Variants in SP2 observed in about 807,000 individuals in gnomAD.
SP2 encodes the protein transcription factor Sp2.
A neutral mutation model predicts 50.1 loss-of-function variants in SP2; 9 were observed. The observed-to-expected ratio is 0.18, with a 90% CI of 0.11 to 0.31. SP2 has a LOEUF of 0.31. Among genes scored for constraint, SP2 ranks in the 10% least tolerant of loss-of-function variants. The probability of loss-of-function intolerance (pLI) is 1.00; values close to 1 mark genes in which losing one functional copy is unlikely to be tolerated. For synonymous variants in SP2, 313 were observed against 326.6 expected, an observed-to-expected ratio of 0.96 and a Z score of 0.45; for missense variants, 581 against 806.5, an observed-to-expected ratio of 0.72 and a Z score of 3.39.
At position 47,922,831 on chromosome 17, in the gene SP2, G is replaced by T; in HGVS notation, c.1060-131G>T. 3 of 741,844 alleles carry T rather than the reference G, an allele frequency of 4.0e-6. No individual in the cohort carries two copies. The South Asian group carries it at 5.2e-5, about 13-fold the overall frequency. 46.0% of individuals were successfully genotyped at this position (741,844 alleles called of 1,614,324 possible). ...TGTCGAGCATTAGCTGTGTATAAAT[G>T]TAGGTTTGGGTGAATTGAAGAGACT... On this transcript the variant is annotated intron_variant, in intron 3 of 6. Transcript: ENST00000376741.
At chr17:47,926,668 T>G (rs1214387534) in intron 6 of SP2, among the ~76,000 whole-genome samples, 2 of 151,924 alleles carry the variant, frequency 1.3e-5, no homozygotes, top group African/African-American at 4.8e-5. Flanking sequence ...CTCACACCTG[T>G]AATCCCAGCT....
chr17:47,928,959 T>C (rs987503443), downstream of SP2: 2 of 152,682 alleles, frequency 1.3e-5, no homozygotes, highest in Non-Finnish European at 2.9e-5. Context: ...AATCTTCAAC[T>C]TGGCAGTTCG....
chr17:47,913,964 C>T (rs1266787926), intron 1 of SP2, among the ~76,000 whole-genome samples: 2 of 152,178 alleles, frequency 1.3e-5, no homozygotes, highest in African/African-American at 4.8e-5. Flanking sequence ...AGAATTTACT[C>T]TGTTTTCATT....
At chr17:47,906,848 C>T (rs1437767610) in intron 1 of SP2, among the ~76,000 whole-genome samples, 1 of 152,108 alleles carries the variant, frequency 6.6e-6, no homozygotes, top group Non-Finnish European at 1.5e-5. Flanking sequence ...CTGGGCCAGA[C>T]ACAGGCCTAT....
intron 1 of SP2, among the ~76,000 whole-genome samples, chr17:47,912,459 T>TA (rs1722671695): frequency 6.6e-6 from 1 of 151,450 alleles, no homozygotes; most frequent in Non-Finnish European, 1.5e-5. Context: ...TTTTTTTTTT[T>TA]ATGGAGATGG....
chr17:47,911,955 C>G (rs968247831), intron 1 of SP2, among the ~76,000 whole-genome samples: 1 of 152,204 alleles, frequency 6.6e-6, no homozygotes, highest in African/African-American at 2.4e-5. Context: ...GAGGCATGCT[C>G]AGCTTAGCCC....
At chr17:47,919,674 A>G (rs938097988) in intron 3 of SP2, among the ~76,000 whole-genome samples, 3 of 152,124 alleles carry the variant, frequency 2.0e-5, no homozygotes, top group Non-Finnish European at 4.4e-5. Context: ...CCAGGAAATT[A>G]GCAGTGAAAC....
downstream of SP2, among the ~76,000 whole-genome samples, chr17:47,931,221 T>TA (rs559729863): frequency 4.1e-3 from 623 of 152,278 alleles, 5 homozygotes; most frequent in Middle Eastern, 0.02. Context: ...CGCATGCCTG[T>TA]AGTCCCAGCT....
At chr17:47,919,887 G>A (rs1412803356) in intron 3 of SP2, among the ~76,000 whole-genome samples, 1 of 135,054 alleles carries the variant, frequency 7.4e-6, no homozygotes, top group Admixed American at 8.4e-5. Flanking sequence ...TCACCAGGCT[G>A]GAGTGCAGTG....
chr17:47,917,835 G>T, intron 3 of SP2: 1 of 426,530 alleles, frequency 2.3e-6, no homozygotes, highest in Admixed American at 2.6e-5. Flanking sequence ...TCTTATTTTT[G>T]GCATTTATTA....
intron 1 of SP2, among the ~76,000 whole-genome samples, chr17:47,901,673 G>T (rs1024916498): frequency 6.6e-6 from 1 of 152,140 alleles, no homozygotes; most frequent in African/African-American, 2.4e-5. Context: ...GGACTGCACT[G>T]GCCCACATGT....
chr17:47,916,497 T>A lies in SP2; in HGVS notation c.426T>A (p.Asn142Lys), dbSNP rs1567697033. ...CGGTCCCTCAGATTCAGGCAAGCAA[T>A]TCCCAAACCATCCAAGTACAGCCCA... ...YQAVPQIQAS[N>K]SQTIQVQPNL... Residue 142 changes from asparagine (N) to lysine (K), a missense_variant, in exon 3 of 7, where the codon AAT becomes AAA. Asn to Lys is a moderately conservative substitution (Grantham distance 94). Transcript: ENST00000376741. This position sits in a 1 kb window ranked among gnomAD's most constrained non-coding sequence, Gnocchi z 4.7. 1 of 1,613,854 alleles carries A rather than the reference T, an allele frequency of 6.2e-7. No individual in the cohort carries two copies.
At chr17:47,909,430 A>C (rs1261837803) in intron 1 of SP2, among the ~76,000 whole-genome samples, 1 of 151,900 alleles carries the variant, frequency 6.6e-6, no homozygotes, top group African/African-American at 2.4e-5. Context: ...TATTTTTTTT[A>C]ATATACAGAC....
chr17:47,931,559 G>A (rs1163442802), downstream of SP2, among the ~76,000 whole-genome samples: 3 of 152,172 alleles, frequency 2.0e-5, no homozygotes, highest in Non-Finnish European at 4.4e-5. Context: ...TGCAGAGAAT[G>A]GGGTGTTCGG....
intron 3 of SP2, among the ~76,000 whole-genome samples, chr17:47,922,426 A>G (rs1165282003): frequency 6.6e-6 from 1 of 151,800 alleles, no homozygotes; most frequent in Admixed American, 6.6e-5. Context: ...AACAATGAGC[A>G]TATTTTATTT....
At position 47,917,239 on chromosome 17, in the gene SP2, A is replaced by G. The variant is rs1032247635; in HGVS notation, c.1059+109A>G. The G allele has an allele frequency of 4.9e-6, 6 of 1,223,616 alleles. No homozygotes were observed. The African/African-American group carries it at 9.1e-5, about 19-fold the overall frequency. The allele number at this position is 1,223,616 out of a possible 1,614,324, so 75.8% of individuals were successfully genotyped here. ...CCAGCTTGATCTGACCTTGAGAGTC[A>G]GTATCTTTTGGGGTGGGCAGTAAGT... On this transcript the variant is annotated intron_variant, in intron 3 of 6. Transcript: ENST00000376741.
rs201442835 is a variant in SP2, at chr17:47,922,922, C to T, written c.1060-40C>T. On this transcript the variant is annotated intron_variant, in intron 3 of 6. Transcript: ENST00000376741. ...CATTTGAAGGCCCCAGGAACCTAGT[C>T]TCTTCCAGGCACTGATTTTTTTTCT... The T allele has an allele frequency of 1.6e-4, 244 of 1,562,586 alleles. 1 individual carries two copies. In the African/African-American group the frequency reaches 2.9e-3, roughly 19 times the overall value.
At chr17:47,905,320 A>G (rs1045098860) in intron 1 of SP2, among the ~76,000 whole-genome samples, 5 of 152,196 alleles carry the variant, frequency 3.3e-5, no homozygotes, top group African/African-American at 7.2e-5. Flanking sequence ...TTGTTGGCTT[A>G]CGGCCCAGCT....
Position 47,928,929 on chromosome 17 carries a change from A to C in SP2, c.*1105A>C, listed in dbSNP as rs1274098608. On this transcript the variant is annotated 3_prime_UTR_variant, in exon 7 of 7. Coordinates refer to ENST00000376741, the MANE Select transcript of SP2 (RefSeq NM_003110.6). ...TGACAAAAATTTTTTCTTGCTAATAAATTTAGTTGCCTGAGGCAAAATCTT... is the reference window on the plus strand; with the variant it reads ...TGACAAAAATTTTTTCTTGCTAATACATTTAGTTGCCTGAGGCAAAATCTT... The C allele has an allele frequency of 6.6e-6, 1 of 152,636 alleles. No homozygotes were observed. Among genetic ancestry groups the C allele is most frequent in the South Asian group, 2.1e-4 (1 of 4,834 alleles). 9.5% of individuals were successfully genotyped at this position (152,636 alleles called of 1,614,324 possible).
Sources: gnomAD v4.1 joint callset for allele counts (sites outside exome capture counted in the v4.1 genomes callset) on GRCh38, gnomAD v4.1.1 for gene constraint, Gnocchi (gnomAD v3.1) non-coding constraint, MANE v1.5 for transcripts, NCBI Gene and HGNC (gene_info 2026-07-23, HGNC 2026-07-21) for gene names.